Variants in UNC5C observed in about 807,000 individuals in gnomAD.
The protein encoded by UNC5C is unc-5 netrin receptor C, also known as netrin receptor UNC5C.
In UNC5C, 47 loss-of-function variants were observed where a neutral mutation model predicts 99.8. That is an observed-to-expected ratio of 0.47 (90% CI 0.37 to 0.60). UNC5C has a LOEUF of 0.60. Ranked by LOEUF, UNC5C falls within the 20% of genes least tolerant of loss-of-function variation. The pLI, the probability that UNC5C is intolerant of heterozygous loss-of-function variation, is 0.00. For missense variants in UNC5C, 1,062 were observed against 1,165.9 expected, an observed-to-expected ratio of 0.91 and a Z score of 1.30; for synonymous variants, 487 against 452.2, an observed-to-expected ratio of 1.08 and a Z score of -0.98.
intron 3 of UNC5C, among the ~76,000 whole-genome samples, chr4:95,283,471 T>C (rs2865422): frequency 6.6e-6 from 1 of 152,210 alleles, no homozygotes; most frequent in Non-Finnish European, 1.5e-5. Context: ...ATAGGATATA[T>C]CGCGGCCGTG....
At chr4:95,476,818 A>G (rs1256038190) in intron 1 of UNC5C, among the ~76,000 whole-genome samples, 1 of 152,038 alleles carries the variant, frequency 6.6e-6, no homozygotes, top group Non-Finnish European at 1.5e-5. Flanking sequence ...CTCCCAGTTT[A>G]CAGATAAGAA....
At chr4:95,395,750 C>T (rs1336843116) in intron 1 of UNC5C, among the ~76,000 whole-genome samples, 2 of 152,092 alleles carry the variant, frequency 1.3e-5, no homozygotes, top group Non-Finnish European at 2.9e-5. Flanking sequence ...AGCAGACAGG[C>T]CAAAAAAGCT....
intron 1 of UNC5C, among the ~76,000 whole-genome samples, chr4:95,443,294 G>A (rs1176611884): frequency 6.6e-6 from 1 of 152,156 alleles, no homozygotes; most frequent in African/African-American, 2.4e-5. Flanking sequence ...AGAGATCAGG[G>A]AGGGCCTCAG....
intron 1 of UNC5C, among the ~76,000 whole-genome samples, chr4:95,518,291 A>G (rs1188728015): frequency 6.6e-6 from 1 of 152,172 alleles, no homozygotes; most frequent in Non-Finnish European, 1.5e-5. Flanking sequence ...TACATTGAAC[A>G]AAAAGATGAT....
At chr4:95,216,264 G>A (rs1738246692) in intron 9 of UNC5C, 53 bp from the exon 10 acceptor site, 1 of 1,440,680 alleles carries the variant, frequency 6.9e-7, no homozygotes. Flanking sequence ...GCACGTAAAA[G>A]GGAATGAGGA....
chr4:95,221,767 GTTTTA>G (rs778964505), intron 7 of UNC5C, among the ~76,000 whole-genome samples: 3 of 152,142 alleles, frequency 2.0e-5, no homozygotes, highest in Non-Finnish European at 4.4e-5. Context: ...TCTCTGTTGG[GTTTTA>G]TTTGAGGCAC....
chr4:95,288,095 T>TTTATTTATTTATTTAC (rs1461689245), intron 3 of UNC5C, among the ~76,000 whole-genome samples: 2 of 151,640 alleles, frequency 1.3e-5, no homozygotes, highest in African/African-American at 4.9e-5. Flanking sequence ...TATTTATTTA[T>TTTATTTATTTATTTAC]TTTTTGAGAG....
At chr4:95,354,678 A>G (rs1276650009) in intron 1 of UNC5C, among the ~76,000 whole-genome samples, 1 of 151,624 alleles carries the variant, frequency 6.6e-6, no homozygotes, top group African/African-American at 2.4e-5. Flanking sequence ...AGATGGGGTC[A>G]TGCTATGCTG....
chr4:95,301,138 G>A (rs1023508868), intron 3 of UNC5C, among the ~76,000 whole-genome samples: 9 of 150,356 alleles, frequency 6.0e-5, no homozygotes, highest in East Asian at 1.9e-4. Context: ...AAATCTTGGC[G>A]ACCTAAGAGG....
chr4:95,528,425 A>G (rs373568636), intron 1 of UNC5C, among the ~76,000 whole-genome samples: 13 of 152,308 alleles, frequency 8.5e-5, no homozygotes, highest in African/African-American at 3.1e-4. Flanking sequence ...GCCACCATTT[A>G]CCTTCAAGCA....
At position 95,205,572 on chromosome 4, in the gene UNC5C, T is replaced by C. The variant is rs546643929; in HGVS notation, c.1902+1056A>G. ...TCTTCATGTGTATTTTTTCTAAGAA[T>C]TTTTTCCTAAAAAATTATCATAAGT... On this transcript the variant is annotated intron_variant, in intron 11 of 15. Transcript: ENST00000453304. Among the ~76,000 whole-genome samples the C allele has an allele frequency of 2.6e-5, 4 of 152,232 alleles. No homozygotes were observed. The East Asian group carries it at 5.8e-4, about 22-fold the overall frequency.
At chr4:95,267,949 A>AATTT (rs959480166) in intron 4 of UNC5C, among the ~76,000 whole-genome samples, 3 of 117,568 alleles carry the variant, frequency 2.6e-5, no homozygotes, top group African/African-American at 1.0e-4. Flanking sequence ...GAATTTTGTG[A>AATTT]TTTTTTTTTT....
intron 7 of UNC5C, among the ~76,000 whole-genome samples, chr4:95,229,796 CCTTTT>C (rs1738838039): frequency 5.3e-5 from 6 of 112,248 alleles, no homozygotes; most frequent in African/African-American, 2.3e-4. Flanking sequence ...TCTGTTGTTT[CCTTTT>C]TTTTTTTTTT....
At chr4:95,500,594 A>G (rs919809493) in intron 1 of UNC5C, among the ~76,000 whole-genome samples, 2 of 152,188 alleles carry the variant, frequency 1.3e-5, no homozygotes, top group African/African-American at 4.8e-5. Context: ...CCTCAGCTGC[A>G]TAAACAACAA....
At chr4:95,346,942 A>C (rs998280203) in intron 1 of UNC5C, among the ~76,000 whole-genome samples, 15 of 152,168 alleles carry the variant, frequency 9.9e-5, no homozygotes, top group Middle Eastern at 3.4e-3. Context: ...AAAAAAAATA[A>C]AGGGCATCTA....
intron 3 of UNC5C, among the ~76,000 whole-genome samples, chr4:95,288,009 A>G (rs1374441062): frequency 6.6e-6 from 1 of 152,130 alleles, no homozygotes; most frequent in East Asian, 1.9e-4. Flanking sequence ...CCCTTATGAT[A>G]TATAACTATA....
intron 1 of UNC5C, among the ~76,000 whole-genome samples, chr4:95,425,856 A>G (rs1746467234): frequency 6.6e-6 from 1 of 152,196 alleles, no homozygotes; most frequent in African/African-American, 2.4e-5. Flanking sequence ...GTACTGTTAA[A>G]TGTAATTTTA....
At chr4:95,451,090 G>C (rs902911534) in intron 1 of UNC5C, among the ~76,000 whole-genome samples, 7 of 152,142 alleles carry the variant, frequency 4.6e-5, no homozygotes, top group Non-Finnish European at 8.8e-5. Context: ...GACTTACGTA[G>C]CAATTAGTTG....
At chr4:95,510,311 G>A (rs1289646337) in intron 1 of UNC5C, among the ~76,000 whole-genome samples, 1 of 151,832 alleles carries the variant, frequency 6.6e-6, no homozygotes, top group East Asian at 1.9e-4. Context: ...TCAAAGGCCA[G>A]GATTAAAGTT....
Sources: gnomAD v4.1 joint callset for allele counts (sites outside exome capture counted in the v4.1 genomes callset) on GRCh38, gnomAD v4.1.1 for gene constraint, MANE v1.5 for transcripts, NCBI Gene and HGNC (gene_info 2026-07-23, HGNC 2026-07-21) for gene names.